The following KLC2 variants were observed in gnomAD, a reference collection of about 807,000 sequenced individuals.
KLC2 encodes KLC 2.
In KLC2, 35 loss-of-function variants were observed where a neutral mutation model predicts 75.1. The observed-to-expected ratio is 0.47, with a 90% CI of 0.36 to 0.62. The LOEUF (loss-of-function observed/expected upper bound fraction) is 0.62, where lower values mean the gene tolerates loss of function less well. Ranked by LOEUF, KLC2 falls within the 20% of genes least tolerant of loss-of-function variation. The probability of loss-of-function intolerance (pLI) is 0.00; values close to 1 mark genes in which losing one functional copy is unlikely to be tolerated. For missense variants in KLC2, 611 were observed against 833.2 expected (o/e 0.73, Z 3.28); for synonymous variants, 314 against 336.7 (o/e 0.93, Z 0.74).
chr11:66,260,039 TC>T (rs979602856), intron 2 of KLC2, among the ~76,000 whole-genome samples: 1 of 152,206 alleles, frequency 6.6e-6, no homozygotes, highest in African/African-American at 2.4e-5. Context: ...CTTGTTTTAT[TC>T]CCCTCAGAGC....
upstream of KLC2, chr11:66,257,146 G>C (rs1053965763): frequency 6.6e-6 from 1 of 152,226 alleles, no homozygotes; most frequent in Non-Finnish European, 1.5e-5. Context: ...GGAAATTTTT[G>C]CTAACCTTCC....
the KLC2 span, among the ~76,000 whole-genome samples, chr11:66,251,525 C>A: frequency 3.0e-5 from 4 of 133,556 alleles, 2 homozygotes; most frequent in Non-Finnish European, 7.0e-5. Context: ...GGTGGCTCAG[C>A]ACCTTGGGAG....
upstream of KLC2, among the ~76,000 whole-genome samples, chr11:66,254,826 G>A (rs188076157): frequency 3.1e-4 from 47 of 152,090 alleles, 2 homozygotes; most frequent in African/African-American, 1.1e-3. Flanking sequence ...TTGGAAGGCT[G>A]AGGCAGAAGA....
In KLC2 at chr11:66,266,140, G is replaced by A. The variant is rs777860803; in HGVS notation, c.1650G>A (p.Arg550=). The part of the protein sequence containing the change: ...LRRSGSFGKL[R]DALRRSSEML... ...GCAGCGGTTCCTTTGGGAAACTCCG[G>A]GATGCCCTGAGGCGCAGCAGTGAGA... Residue 550 remains arginine, a synonymous_variant, in exon 14 of 16, where the codon CGG becomes CGA. Coordinates refer to ENST00000394067, the MANE Select transcript of KLC2 (RefSeq NM_001318734.2). 2 of 1,613,890 alleles carry A rather than the reference G, an allele frequency of 1.2e-6. No homozygotes were observed. The highest frequency in any genetic ancestry group is 4.5e-5 in the East Asian group (2 of 44,880).
At position 66,266,029 on chromosome 11, in the gene KLC2, G is replaced by A. The variant is rs745630163; in HGVS notation, c.1602+17G>A. 6.8e-6 allele frequency: 11 copies of A among 1,613,414 alleles called. No homozygotes were observed. In the South Asian group the frequency reaches 9.9e-5, roughly 15 times the overall value. On this transcript the variant is annotated intron_variant, in intron 13 of 15. Transcript: ENST00000394067. ...TGGAATGGGGTGAGTCCGGGGCCTGGGCCGGGTCGGGCTGGGAGCCTAGGT... is the reference window on the plus strand; with the variant it reads ...TGGAATGGGGTGAGTCCGGGGCCTGAGCCGGGTCGGGCTGGGAGCCTAGGT...
the KLC2 span, among the ~76,000 whole-genome samples, chr11:66,245,693 C>T: frequency 3.4e-5 from 5 of 148,568 alleles, no homozygotes; most frequent in East Asian, 2.0e-4. Context: ...TCCAGCCTGG[C>T]GACACAGCGA....
the KLC2 span, among the ~76,000 whole-genome samples, chr11:66,248,796 C>T: frequency 2.6e-5 from 4 of 152,052 alleles, no homozygotes; most frequent in Non-Finnish European, 4.4e-5. Context: ...GCAGTGGTGC[C>T]AACCTAGTTC....
chr11:66,267,302 G>A lies in KLC2; in HGVS notation c.*346G>A. ...CACTCGCCGGCCCTTCGGCACCCTC[G>A]CCCTCCCTCCCGACTCAACCCGGCC... On this transcript the variant is annotated 3_prime_UTR_variant, in exon 16 of 16. Coordinates refer to ENST00000394067, the MANE Select transcript of KLC2 (RefSeq NM_001318734.2). 1 of 933,330 alleles carries A rather than the reference G, an allele frequency of 1.1e-6. No individual in the cohort carries two copies. The highest frequency in any genetic ancestry group is 1.7e-6 in the Non-Finnish European group (1 of 583,034). 57.8% of individuals were successfully genotyped at this position (933,330 alleles called of 1,614,324 possible). A position where few individuals can be genotyped will look rare whatever the true frequency, so the allele number is the denominator to read the frequency against.
chr11:66,256,206 C>T (rs1157384110), upstream of KLC2, among the ~76,000 whole-genome samples: 1 of 151,398 alleles, frequency 6.6e-6, no homozygotes, highest in African/African-American at 2.4e-5. Context: ...GCCTGGGCAA[C>T]ATATTGAGAC....
At chr11:66,252,735 G>A (rs145305216), upstream of KLC2, among the ~76,000 whole-genome samples, 13 of 152,232 alleles carry the variant, frequency 8.5e-5, no homozygotes, top group East Asian at 5.8e-4. Flanking sequence ...CAAGGCCTGC[G>A]GTCCCTCCAC....
chr11:66,262,047 G>A (rs1032949550), intron 3 of KLC2, 75 bp downstream of exon 3: 35 of 1,571,172 alleles, frequency 2.2e-5, no homozygotes, highest in South Asian at 3.4e-5. Flanking sequence ...GAGCAGATTC[G>A]GCTCCACCCC....
intron 2 of KLC2, 60 bp from the exon 3 acceptor site, chr11:66,261,682 C>A: frequency 8.7e-7 from 1 of 1,150,526 alleles, no homozygotes; most frequent in Non-Finnish European, 1.3e-6. Context: ...TAGGCCCAGG[C>A]TACAGTCATA....
rs1856904278 is a variant in KLC2, at chr11:66,267,325, G to T, written c.*369G>T. 1 of 807,638 alleles carries T rather than the reference G, an allele frequency of 1.2e-6. No individual in the cohort carries two copies. Among genetic ancestry groups the T allele is most frequent in the Non-Finnish European group, 2.1e-6 (1 of 467,776 alleles). 50.0% of individuals were successfully genotyped at this position (807,638 alleles called of 1,614,324 possible). On this transcript the variant is annotated 3_prime_UTR_variant, in exon 16 of 16. Coordinates refer to ENST00000394067, the MANE Select transcript of KLC2 (RefSeq NM_001318734.2). ...TCGCCCTCCCTCCCGACTCAACCCGGCCGTTGCTTCTGTATATAGAGAAAT... is the reference window on the plus strand; with the variant it reads ...TCGCCCTCCCTCCCGACTCAACCCGTCCGTTGCTTCTGTATATAGAGAAAT...
Position 66,267,703 on chromosome 11 carries a change from A to G in KLC2, c.*747A>G, listed in dbSNP as rs1590880322. The G allele has an allele frequency of 1.7e-5, 6 of 349,662 alleles. No individual in the cohort carries two copies. Among genetic ancestry groups the G allele is most frequent in the African/African-American group, 9.5e-5 (4 of 41,912 alleles). The allele number at this position is 349,662 out of a possible 1,614,324, so 21.7% of individuals were successfully genotyped here. A position where few individuals can be genotyped will look rare whatever the true frequency, so the allele number is the denominator to read the frequency against. On this transcript the variant is annotated 3_prime_UTR_variant, in exon 16 of 16. Transcript: ENST00000394067. Reference sequence around the variant, plus strand: ...GCCGACCCCGCCCCGGGCACCGCCCACCGAGCCATCCTGCCTCGCCTCCCC... The same window carrying G: ...GCCGACCCCGCCCCGGGCACCGCCCGCCGAGCCATCCTGCCTCGCCTCCCC...
At chr11:66,264,317 G>A (rs185213047) in intron 8 of KLC2, 28 bp from the exon 9 acceptor site, 15 of 1,594,862 alleles carry the variant, frequency 9.4e-6, no homozygotes, top group Admixed American at 5.1e-5. Flanking sequence ...CATGCATCCC[G>A]CTCACTCTCT....
At chr11:66,251,448 C>T in the KLC2 span, among the ~76,000 whole-genome samples, 945 of 135,362 alleles carry the variant, frequency 7.0e-3, 149 homozygotes, top group African/African-American at 0.02. Context: ...GCCAAGATCG[C>T]GCCACTGCAC....
chr11:66,253,974 G>A (rs1200227607), upstream of KLC2, among the ~76,000 whole-genome samples: 2 of 152,242 alleles, frequency 1.3e-5, no homozygotes, highest in African/African-American at 4.8e-5. Context: ...TCCTTGGCCG[G>A]GCGCAGTGGC....
At chr11:66,266,688 ACACCGT>A in intron 15 of KLC2, 179 bp from the exon 16 acceptor site, 1 of 840,434 alleles carries the variant, frequency 1.2e-6, no homozygotes, top group Admixed American at 2.0e-5. Flanking sequence ...GCCAGTGCTA[ACACCGT>A]CACTGTGGAG....
upstream of KLC2, chr11:66,257,685 G>C (rs964333196): frequency 6.6e-6 from 1 of 152,250 alleles, no homozygotes; most frequent in East Asian, 1.9e-4. Flanking sequence ...TTAAGGCAGC[G>C]AACGGGCCAA....
Sources: allele counts gnomAD v4.1 joint callset (sites outside exome capture counted in the v4.1 genomes callset), GRCh38; gene constraint gnomAD v4.1.1; transcripts MANE v1.5; gene names NCBI Gene and HGNC (gene_info 2026-07-23, HGNC 2026-07-21).